The following PRRX1 variants were observed in gnomAD, a reference collection of about 807,000 sequenced individuals.
The protein encoded by PRRX1 is paired mesoderm homeobox protein 1.
Under a neutral mutation model 24.0 loss-of-function variants are expected in PRRX1, and 8 were observed. That is an observed-to-expected ratio of 0.33 (90% CI 0.20 to 0.60). The LOEUF is 0.60. Among genes scored for constraint, PRRX1 ranks in the 20% least tolerant of loss-of-function variants. The probability of loss-of-function intolerance (pLI) is 0.82; values close to 1 mark genes in which losing one functional copy is unlikely to be tolerated. For missense variants in PRRX1, 281 were observed against 322.4 expected, an observed-to-expected ratio of 0.87 and a Z score of 0.98; for synonymous variants, 160 against 131.7, an observed-to-expected ratio of 1.22 and a Z score of -1.47.
chr1:170,731,089 A>T (rs1232048319), intron 3 of PRRX1, among the ~76,000 whole-genome samples: 1 of 152,238 alleles, frequency 6.6e-6, no homozygotes, highest in African/African-American at 2.4e-5. Flanking sequence ...TCAAAACAGA[A>T]GTTAGAAATA....
At chr1:170,719,941 T>C (rs760186687) in intron 2 of PRRX1, 40 bp downstream of exon 2, 1 of 1,607,536 alleles carries the variant, frequency 6.2e-7, no homozygotes, top group Non-Finnish European at 8.5e-7. Flanking sequence ...AGTAGTACCC[T>C]CCTCAGAGGC....
At chr1:170,666,255 T>C (rs1652923959) in intron 1 of PRRX1, among the ~76,000 whole-genome samples, 1 of 151,540 alleles carries the variant, frequency 6.6e-6, no homozygotes, top group Non-Finnish European at 1.5e-5. Flanking sequence ...CCCTCTCTCC[T>C]AAAAATACAA....
At chr1:170,688,318 T>C (rs1195083334) in intron 1 of PRRX1, among the ~76,000 whole-genome samples, 1 of 152,126 alleles carries the variant, frequency 6.6e-6, no homozygotes, top group Non-Finnish European at 1.5e-5. Flanking sequence ...TGGACTGTAC[T>C]GAGGCAGAAA....
intron 1 of PRRX1, among the ~76,000 whole-genome samples, chr1:170,691,500 C>CCTTTCCTTTCCTTTCCTTTCCTTTCCTT (rs1558050428): frequency 1.5e-4 from 21 of 144,328 alleles, no homozygotes; most frequent in African/African-American, 5.1e-4. Context: ...CCTTTCCTTT[C>CCTTTCCTTTCCTTTCCTTTCCTTTCCTT]CTTTCCTTTC....
At chr1:170,728,972 C>A (rs1290273918) in intron 3 of PRRX1, 16 of 152,180 alleles carry the variant, frequency 1.1e-4, no homozygotes, top group Admixed American at 1.0e-3. Context: ...AGTTAGTTAT[C>A]TCACATGTGA....
At chr1:170,723,783 G>T (rs1353970349) in intron 2 of PRRX1, among the ~76,000 whole-genome samples, 1 of 152,158 alleles carries the variant, frequency 6.6e-6, no homozygotes, top group Non-Finnish European at 1.5e-5. Flanking sequence ...AGGCTATAGG[G>T]TATAGCTTAT....
chr1:170,734,338 C>T (rs1655538122), intron 3 of PRRX1, among the ~76,000 whole-genome samples: 1 of 150,828 alleles, frequency 6.6e-6, no homozygotes, highest in Non-Finnish European at 1.5e-5. Flanking sequence ...AGTTATCTGT[C>T]TATTCATTGA....
intron 1 of PRRX1, among the ~76,000 whole-genome samples, chr1:170,676,937 AC>A (rs1653341197): frequency 6.6e-6 from 1 of 152,220 alleles, no homozygotes; most frequent in Non-Finnish European, 1.5e-5. Context: ...CTTCATGCTA[AC>A]ACAGCAGGTT....
intron 1 of PRRX1, among the ~76,000 whole-genome samples, chr1:170,709,300 G>C (rs952220001): frequency 1.3e-5 from 2 of 152,144 alleles, no homozygotes; most frequent in Admixed American, 6.6e-5. Flanking sequence ...TAGTAGGTAT[G>C]GGTAAGGTCT....
At chr1:170,729,241 C>T (rs1236909288) in intron 3 of PRRX1, among the ~76,000 whole-genome samples, 1 of 152,160 alleles carries the variant, frequency 6.6e-6, no homozygotes, top group African/African-American at 2.4e-5. Flanking sequence ...TCTAAAATCC[C>T]CTTTTTATGC....
intron 1 of PRRX1, among the ~76,000 whole-genome samples, chr1:170,697,219 T>C (rs192739575): frequency 6.6e-6 from 1 of 152,284 alleles, no homozygotes; most frequent in East Asian, 1.9e-4. Flanking sequence ...GCCATGTCTT[T>C]CTTAGCTTTG....
chr1:170,714,436 T>C (rs1006161638), intron 1 of PRRX1, among the ~76,000 whole-genome samples: 1 of 152,222 alleles, frequency 6.6e-6, no homozygotes, highest in African/African-American at 2.4e-5. Context: ...TGACAAACTT[T>C]GATGTGGTAG....
intron 1 of PRRX1, among the ~76,000 whole-genome samples, chr1:170,710,046 A>T (rs1654696038): frequency 6.6e-6 from 1 of 152,158 alleles, no homozygotes; most frequent in Admixed American, 6.5e-5. Flanking sequence ...CTAAAGATTC[A>T]CATTGATTTC....
intron 1 of PRRX1, among the ~76,000 whole-genome samples, chr1:170,690,446 A>G (rs576404839): frequency 6.6e-6 from 1 of 152,222 alleles, no homozygotes; most frequent in East Asian, 1.9e-4. Flanking sequence ...TGGAGAGAGA[A>G]GTTATAATAA....
chr1:170,722,250 A>C (rs1228244605), intron 2 of PRRX1, among the ~76,000 whole-genome samples: 1 of 152,152 alleles, frequency 6.6e-6, no homozygotes, highest in Non-Finnish European at 1.5e-5. Flanking sequence ...TATGGCATTT[A>C]TCATAACATG....
Position 170,705,935 on chromosome 1 carries a change from T to TACACACACAC in PRRX1, c.242-13767_242-13758dup, listed in dbSNP as rs71125270. Among the ~76,000 whole-genome samples, 694 of 146,530 alleles carry TACACACACAC rather than the reference T, an allele frequency of 4.7e-3. 5 individuals are homozygous for TACACACACAC. Among genetic ancestry groups the TACACACACAC allele is most frequent in the African/African-American group, 0.014 (570 of 40,098 alleles). ...CCACATAGACACACACACACACACA[T>TACACACACAC]ACACACACACACACACACACACACA... is the stretch of plus-strand genomic sequence containing the variant. On this transcript the variant is annotated intron_variant, in intron 1 of 3. Transcript: ENST00000239461.
intron 1 of PRRX1, among the ~76,000 whole-genome samples, chr1:170,691,405 G>T (rs1653941264): frequency 6.6e-6 from 1 of 151,552 alleles, no homozygotes. Context: ...ACATCCCTAA[G>T]AAGAAATTTA....
At chr1:170,714,296 A>T (rs550998531) in intron 1 of PRRX1, among the ~76,000 whole-genome samples, 123 of 152,324 alleles carry the variant, frequency 8.1e-4, no homozygotes, top group African/African-American at 2.7e-3. Flanking sequence ...TGAACCACAC[A>T]AATCCCATTA....
rs2101929468 is a variant in PRRX1, at chr1:170,736,117, C to T, written c.669C>T (p.Ser223=). ...SPAQGINMAN[S]IANLRLKAKE... Reference sequence around the variant, plus strand: ...CACAGGGCATCAACATGGCCAACAGCATTGCCAACCTGAGACTGAAGGCCA... The same window carrying T: ...CACAGGGCATCAACATGGCCAACAGTATTGCCAACCTGAGACTGAAGGCCA... The change falls in exon 4 of 4, where the codon AGC becomes AGT. Residue 223 remains serine, a synonymous_variant. Transcript: ENST00000239461. The T allele has an allele frequency of 1.2e-6, 2 of 1,614,148 alleles. No individual in the cohort carries two copies. The highest frequency in any genetic ancestry group is 1.7e-6 in the Non-Finnish European group (2 of 1,179,986).
Sources: allele counts gnomAD v4.1 joint callset (sites outside exome capture counted in the v4.1 genomes callset), GRCh38; gene constraint gnomAD v4.1.1; transcripts MANE v1.5; gene names NCBI Gene and HGNC (gene_info 2026-07-23, HGNC 2026-07-21).